Variants in MTSS1 observed in about 807,000 individuals in gnomAD.
MTSS1 encodes MTSS I-BAR domain containing 1.
MTSS1 carries 18 observed loss-of-function variants against 79.0 expected under a neutral mutation model. The ratio of observed to expected loss-of-function variants is 0.23; its 90% CI spans 0.16 to 0.34. The LOEUF (loss-of-function observed/expected upper bound fraction) is 0.34, where lower values mean the gene tolerates loss of function less well. MTSS1 is among the 10% of genes least tolerant of loss of function. MTSS1 has a pLI of 1.00. For missense variants in MTSS1, 815 were observed against 986.2 expected, an observed-to-expected ratio of 0.83 and a Z score of 2.33; for synonymous variants, 341 against 368.6, an observed-to-expected ratio of 0.93 and a Z score of 0.86.
chr8:124,723,342 AGG>A (rs936137688), intron 1 of MTSS1, among the ~76,000 whole-genome samples: 1 of 152,222 alleles, frequency 6.6e-6, no homozygotes, highest in Admixed American at 6.5e-5. Context: ...TGGCTGAACC[AGG>A]CAAAATCCAA....
chr8:124,558,819 G>A (rs1459404955), intron 10 of MTSS1: 8 of 1,562,388 alleles, frequency 5.1e-6, no homozygotes, highest in Admixed American at 1.8e-5. Context: ...GGAGGAGGCC[G>A]AGCTGGACGA....
chr8:124,630,791 A>C (rs10086001), intron 3 of MTSS1, among the ~76,000 whole-genome samples: 8,774 of 152,204 alleles, frequency 0.058, 393 homozygotes, highest in East Asian at 0.16. Context: ...AATCTAATAC[A>C]AAAAAAATGA....
intron 3 of MTSS1, among the ~76,000 whole-genome samples, chr8:124,611,385 C>T (rs899778202): frequency 6.6e-6 from 1 of 152,148 alleles, no homozygotes; most frequent in Non-Finnish European, 1.5e-5. Context: ...CTACAAGGAG[C>T]GGCGTGACCT....
rs1472125106 is a variant in MTSS1, at chr8:124,550,898, C to T, written c.*2094G>A. 6.6e-6 allele frequency: 1 copy of T among 152,604 alleles called. No homozygotes were observed. The highest frequency in any genetic ancestry group is 1.5e-5 in the Non-Finnish European group (1 of 68,032). The allele number at this position is 152,604 out of a possible 1,614,324, so 9.5% of individuals were successfully genotyped here. ...TACAAGTTTAGAACAAAAAACTGCA[C>T]AGGGAGAGGTCAACTCTCAGTACAA... On this transcript the variant is annotated 3_prime_UTR_variant, in exon 14 of 14. Transcript: ENST00000518547.
In MTSS1 at chr8:124,709,171, G is replaced by A. The variant is rs567156766; in HGVS notation, c.73-4980C>T. Among the ~76,000 whole-genome samples, 36 of 152,230 alleles carry A rather than the reference G, an allele frequency of 2.4e-4. 1 individual carries two copies. In the South Asian group the frequency reaches 7.3e-3, roughly 31 times the overall value. ...CTTTTGGACAGCAAGACTACATAAA[G>A]GAGACCATACTCAAGTTTCAAAAGA... On this transcript the variant is annotated intron_variant, in intron 1 of 13. Transcript: ENST00000518547.
intron 1 of MTSS1, among the ~76,000 whole-genome samples, chr8:124,719,025 C>T (rs1213791315): frequency 2.0e-5 from 3 of 152,096 alleles, no homozygotes; most frequent in African/African-American, 4.8e-5. Context: ...ACAAATAGAG[C>T]GATCAAGGAC....
At chr8:124,701,572 T>A (rs966016224) in intron 2 of MTSS1, among the ~76,000 whole-genome samples, 9 of 152,350 alleles carry the variant, frequency 5.9e-5, no homozygotes, top group Non-Finnish European at 1.2e-4. Flanking sequence ...TTGTTCTGAT[T>A]TACAATTAAT....
intron 5 of MTSS1, among the ~76,000 whole-genome samples, chr8:124,585,735 A>G (rs1271270110): frequency 6.6e-6 from 1 of 152,156 alleles, no homozygotes; most frequent in Non-Finnish European, 1.5e-5. Context: ...AATGAAAAAA[A>G]TTCACAATTT....
At chr8:124,573,014 TG>T (rs1349105469) in intron 6 of MTSS1, among the ~76,000 whole-genome samples, 1 of 152,226 alleles carries the variant, frequency 6.6e-6, no homozygotes, top group Non-Finnish European at 1.5e-5. Flanking sequence ...CCCAAAGTGC[TG>T]GGATTACAGG....
chr8:124,711,625 C>T (rs983846076), intron 1 of MTSS1, among the ~76,000 whole-genome samples: 3 of 152,172 alleles, frequency 2.0e-5, no homozygotes, highest in Non-Finnish European at 2.9e-5. Flanking sequence ...GGGTGCCCTG[C>T]ACACATGGCA....
At chr8:124,604,373 A>G (rs1006969874) in intron 3 of MTSS1, among the ~76,000 whole-genome samples, 1 of 152,222 alleles carries the variant, frequency 6.6e-6, no homozygotes, top group Admixed American at 6.5e-5. Flanking sequence ...ACAAACACAC[A>G]ATCTGATTTC....
chr8:124,623,511 G>T (rs1814018368), intron 3 of MTSS1, among the ~76,000 whole-genome samples: 1 of 152,154 alleles, frequency 6.6e-6, no homozygotes. Flanking sequence ...ATAAACACTT[G>T]CTGGCTTCAC....
At chr8:124,571,062 CA>C (rs1436242502) in intron 6 of MTSS1, among the ~76,000 whole-genome samples, 1 of 152,218 alleles carries the variant, frequency 6.6e-6, no homozygotes, top group Non-Finnish European at 1.5e-5. Flanking sequence ...ACCATGCCTT[CA>C]ATTTCTTCCT....
intron 3 of MTSS1, among the ~76,000 whole-genome samples, chr8:124,606,171 GTTTT>G (rs11351219): frequency 2.2e-5 from 2 of 88,896 alleles, no homozygotes; most frequent in African/African-American, 4.4e-5. Context: ...TTGGTTTTTT[GTTTT>G]TTTTTTTTTT....
chr8:124,711,530 A>G (rs1831163815), intron 1 of MTSS1, among the ~76,000 whole-genome samples: 1 of 152,144 alleles, frequency 6.6e-6, no homozygotes, highest in South Asian at 2.1e-4. Context: ...CCAGGGCTGC[A>G]AAGAGTGGCT....
intron 4 of MTSS1, 53 bp from the exon 5 acceptor site, chr8:124,589,764 G>A: frequency 7.8e-7 from 1 of 1,276,358 alleles, no homozygotes; most frequent in Non-Finnish European, 1.1e-6. Flanking sequence ...ACATTCTGTT[G>A]TCAGGATTTA....
chr8:124,660,432 G>GCACACACACACACACA (rs5894719), intron 3 of MTSS1, among the ~76,000 whole-genome samples: 1 of 140,798 alleles, frequency 7.1e-6, no homozygotes, highest in Non-Finnish European at 1.6e-5. Flanking sequence ...CCATGCGCAT[G>GCACACACACACACACA]CACACACACA....
At chr8:124,726,618 A>G (rs558460994) in intron 1 of MTSS1, among the ~76,000 whole-genome samples, 156 of 152,334 alleles carry the variant, frequency 1.0e-3, no homozygotes, top group African/African-American at 3.6e-3. Flanking sequence ...TGAAAGGTGG[A>G]AGCAGGCCAT....
At chr8:124,630,464 CA>C (rs879925049) in intron 3 of MTSS1, among the ~76,000 whole-genome samples, 1 of 152,218 alleles carries the variant, frequency 6.6e-6, no homozygotes, top group Non-Finnish European at 1.5e-5. Flanking sequence ...ACTTGTGACT[CA>C]GGGGGCCTAT....
Sources: allele counts gnomAD v4.1 joint callset (sites outside exome capture counted in the v4.1 genomes callset), GRCh38; gene constraint gnomAD v4.1.1; transcripts MANE v1.5; gene names NCBI Gene and HGNC (gene_info 2026-07-23, HGNC 2026-07-21).